MICU2: variants seen among roughly 807,000 people sequenced by gnomAD.
MICU2 encodes the protein calcium uptake protein 2, mitochondrial.
Under a neutral mutation model 60.4 loss-of-function variants are expected in MICU2, and 64 were observed. That is an observed-to-expected ratio of 1.06 (90% CI 0.87 to 1.31). The LOEUF is 1.31. MICU2 is among the 50% of genes most tolerant of loss of function. The probability of loss-of-function intolerance (pLI) is 0.00; values close to 1 mark genes in which losing one functional copy is unlikely to be tolerated. For synonymous variants in MICU2, 201 were observed against 175.0 expected (o/e 1.15, Z -1.17); for missense variants, 569 against 531.0 (o/e 1.07, Z -0.70).
At chr13:21,531,088 A>G in intron 4 of MICU2, 1 of 1,002,284 alleles carries the variant, frequency 1.0e-6, no homozygotes, top group East Asian at 2.4e-5. Context: ...CAATTACTTG[A>G]TTTACAACCA....
At chr13:21,600,332 C>G (rs529618328) in intron 1 of MICU2, among the ~76,000 whole-genome samples, 14 of 152,234 alleles carry the variant, frequency 9.2e-5, no homozygotes, top group Non-Finnish European at 1.8e-4. Flanking sequence ...AACTCTTCCC[C>G]TTCTCTTTGC....
chr13:21,517,785 ACACACACACACACACGCG>A (rs921229623), intron 6 of MICU2, among the ~76,000 whole-genome samples: 17 of 94,238 alleles, frequency 1.8e-4, no homozygotes, highest in African/African-American at 4.8e-4. Flanking sequence ...ACACACACAC[ACACACACACACACACGCG>A]CGCGCGCGCG....
intron 2 of MICU2, among the ~76,000 whole-genome samples, chr13:21,562,040 C>T (rs1887858121): frequency 6.6e-6 from 1 of 150,736 alleles, no homozygotes; most frequent in Admixed American, 6.6e-5. Flanking sequence ...AGGACATGAA[C>T]TCATCATTTT....
rs768985857 is a variant in MICU2 at position 21,514,386 on chromosome 13, C to A, written c.630G>T (p.Leu210Phe). The change falls in exon 7 of 12, where the codon TTG (leucine) becomes TTT (phenylalanine). Residue 210 changes from leucine (L) to phenylalanine (F), a missense_variant. Coordinates refer to ENST00000382374, the MANE Select transcript of MICU2 (RefSeq NM_152726.3). ...CAGTTTCATTAGTTTTCACTGTCAT[C>A]AAGTCATCTTGTTTACTTATGATCT... ...LQKIISKQDD[L>F]MTVKTNETGY... The A allele has an allele frequency of 1.2e-6, 2 of 1,613,422 alleles. No homozygotes were observed. Among genetic ancestry groups the A allele is most frequent in the Non-Finnish European group, 1.7e-6 (2 of 1,179,756 alleles).
intron 2 of MICU2, among the ~76,000 whole-genome samples, chr13:21,548,503 T>C (rs1441045387): frequency 6.6e-6 from 1 of 152,234 alleles, no homozygotes; most frequent in Non-Finnish European, 1.5e-5. Context: ...TTTTAACCTA[T>C]AGCAGCTACA....
intron 6 of MICU2, among the ~76,000 whole-genome samples, chr13:21,517,895 T>A (rs1470124238): frequency 6.6e-6 from 1 of 152,032 alleles, no homozygotes; most frequent in Non-Finnish European, 1.5e-5. Flanking sequence ...GTAAATGTAG[T>A]TTTTCCTCTT....
At chr13:21,535,599 T>G (rs1336831893) in intron 4 of MICU2, among the ~76,000 whole-genome samples, 1 of 152,198 alleles carries the variant, frequency 6.6e-6, no homozygotes, top group East Asian at 1.9e-4. Flanking sequence ...AAATACCATT[T>G]ATTTACAAAC....
chr13:21,570,124 T>A (rs1211789238), intron 1 of MICU2, among the ~76,000 whole-genome samples: 1 of 152,206 alleles, frequency 6.6e-6, no homozygotes, highest in Non-Finnish European at 1.5e-5. Context: ...TATGTATTAC[T>A]TCTCTAGTTC....
chr13:21,599,702 A>G (rs1472168542), intron 1 of MICU2, among the ~76,000 whole-genome samples: 2 of 152,236 alleles, frequency 1.3e-5, no homozygotes, highest in Non-Finnish European at 2.9e-5. Context: ...AATTATTGCA[A>G]CAGCTCCCTA....
chr13:21,577,681 T>A, intron 1 of MICU2, among the ~76,000 whole-genome samples: 1 of 151,720 alleles, frequency 6.6e-6, no homozygotes, highest in East Asian at 1.9e-4. Flanking sequence ...GGCGTGCACC[T>A]GTAATCCCAG....
chr13:21,536,406 C>A (rs1351902977), intron 4 of MICU2, among the ~76,000 whole-genome samples: 1 of 151,950 alleles, frequency 6.6e-6, no homozygotes, highest in Non-Finnish European at 1.5e-5. Flanking sequence ...ACTGCAATTG[C>A]AACCTCAACC....
intron 9 of MICU2, among the ~76,000 whole-genome samples, chr13:21,498,805 TAGAG>T (rs772403149): frequency 2.3e-5 from 3 of 132,970 alleles, no homozygotes; most frequent in South Asian, 3.1e-4. Context: ...TACAAGATGA[TAGAG>T]AGGGAAAAAA....
At chr13:21,570,645 T>C (rs200824405) in intron 1 of MICU2, among the ~76,000 whole-genome samples, 1 of 152,256 alleles carries the variant, frequency 6.6e-6, no homozygotes, top group Non-Finnish European at 1.5e-5. Flanking sequence ...TTCACTGTAC[T>C]GTGCAAAGCA....
At chr13:21,518,984 C>G (rs767933470) in intron 6 of MICU2, among the ~76,000 whole-genome samples, 11 of 152,320 alleles carry the variant, frequency 7.2e-5, no homozygotes, top group Non-Finnish European at 1.5e-4. Flanking sequence ...TGTAATGGTT[C>G]CAACTGACCT....
At chr13:21,517,104 G>A (rs1233773431) in intron 6 of MICU2, among the ~76,000 whole-genome samples, 1 of 152,100 alleles carries the variant, frequency 6.6e-6, no homozygotes, top group African/African-American at 2.4e-5. Flanking sequence ...GCTATTTTAC[G>A]AGTTCTTGGG....
Position 21,525,080 on chromosome 13 carries a change from T to C in MICU2, c.467-2430A>G, listed in dbSNP as rs577077887. Among the ~76,000 whole-genome samples the C allele has an allele frequency of 3.3e-3, 500 of 152,204 alleles. 4 individuals are homozygous for C. The highest frequency in any genetic ancestry group is 0.01 in the Middle Eastern group (3 of 294). ...TTACTGTGAATAATGCAGCTACAAA[T>C]ATTGGTGTACAAATATTTATCTAAG... On this transcript the variant is annotated intron_variant, in intron 4 of 11. Transcript: ENST00000382374.
intron 10 of MICU2, 30 bp downstream of exon 10, chr13:21,496,022 A>C (rs1397285387): frequency 6.7e-7 from 1 of 1,499,576 alleles, no homozygotes; most frequent in Admixed American, 1.8e-5. Context: ...TATAGATGAT[A>C]AAAATTAAAT....
chr13:21,530,179 T>C (rs936278637), intron 4 of MICU2, among the ~76,000 whole-genome samples: 2 of 152,258 alleles, frequency 1.3e-5, no homozygotes, highest in African/African-American at 4.8e-5. Flanking sequence ...AATGTAGGAA[T>C]GTAAGTTGAT....
At chr13:21,552,807 G>C (rs1281769849) in intron 2 of MICU2, among the ~76,000 whole-genome samples, 1 of 152,180 alleles carries the variant, frequency 6.6e-6, no homozygotes, top group East Asian at 1.9e-4. Flanking sequence ...TTTGGTACGA[G>C]TACCATGCTG....
Sources: gnomAD v4.1 joint callset for allele counts (sites outside exome capture counted in the v4.1 genomes callset) on GRCh38, gnomAD v4.1.1 for gene constraint, MANE v1.5 for transcripts, NCBI Gene and HGNC (gene_info 2026-07-23, HGNC 2026-07-21) for gene names.